The following MBIP variants were observed in gnomAD, a reference collection of about 807,000 sequenced individuals.
The protein encoded by MBIP is MAP3K12 binding inhibitory protein 1, also known as MAP3K12-binding inhibitory protein 1.
Under a neutral mutation model 45.7 loss-of-function variants are expected in MBIP, and 32 were observed. The observed-to-expected ratio is 0.70, with a 90% CI of 0.53 to 0.94. MBIP has a LOEUF of 0.94. MBIP is among the 40% of genes least tolerant of loss of function. The pLI, the probability that MBIP is intolerant of heterozygous loss-of-function variation, is 0.00. For synonymous variants in MBIP, 145 were observed against 141.0 expected, an observed-to-expected ratio of 1.03 and a Z score of -0.20; for missense variants, 381 against 405.5, an observed-to-expected ratio of 0.94 and a Z score of 0.52.
chr14:36,307,975 C>G (rs1287496220), intron 7 of MBIP, 117 bp downstream of exon 7: 1 of 582,064 alleles, frequency 1.7e-6, no homozygotes, highest in Non-Finnish European at 3.0e-6. Context: ...TGTGTTCATT[C>G]ATCTTTGAAT....
At chr14:36,301,498 GAT>G (rs1443825394) in intron 7 of MBIP, among the ~76,000 whole-genome samples, 1 of 152,138 alleles carries the variant, frequency 6.6e-6, no homozygotes, top group African/African-American at 2.4e-5. Flanking sequence ...AGTTCCTCAG[GAT>G]ACTGCCGTAT....
chr14:36,307,584 A>C (rs1410609622), intron 7 of MBIP, among the ~76,000 whole-genome samples: 1 of 152,204 alleles, frequency 6.6e-6, no homozygotes, highest in Non-Finnish European at 1.5e-5. Context: ...GAATGAATGA[A>C]TGCTAGAGTT....
At chr14:36,317,942 CAG>C (rs1236558206) in intron 1 of MBIP, among the ~76,000 whole-genome samples, 2 of 151,900 alleles carry the variant, frequency 1.3e-5, no homozygotes, top group Admixed American at 1.3e-4. Context: ...TACTATGTGA[CAG>C]AAATTTACTG....
At chr14:36,305,234 T>C (rs1021698375) in intron 7 of MBIP, 3 of 152,168 alleles carry the variant, frequency 2.0e-5, no homozygotes, top group Admixed American at 1.3e-4. Context: ...GGCTCATTCA[T>C]CCTATTATAG....
intron 3 of MBIP, 29 bp from the exon 4 acceptor site, chr14:36,314,637 A>T (rs751341509): frequency 1.9e-6 from 3 of 1,606,484 alleles, no homozygotes; most frequent in East Asian, 2.2e-5. Flanking sequence ...AACAGTGTAA[A>T]CATAAGATTT....
Position 36,314,611 on chromosome 14 carries a change from AC to A in MBIP, c.475-4del. 1.2e-6 allele frequency: 2 copies of A among 1,609,432 alleles called. No individual in the cohort carries two copies. The highest frequency in any genetic ancestry group is 1.7e-6 in the Non-Finnish European group (2 of 1,177,836). On this transcript the variant is annotated splice_polypyrimidine_tract_variant and splice_region_variant and intron_variant, in intron 3 of 8. Coordinates refer to ENST00000416007, the MANE Select transcript of MBIP (RefSeq NM_016586.3). ...AATGCAGATATTCGTCTGTCAATCT[AC>A]AAACAACAAGTTTTAACAGTGTAAA... is the stretch of plus-strand genomic sequence containing the variant.
At position 36,311,700 on chromosome 14, in the gene MBIP, T is replaced by C; in HGVS notation, c.663A>G (p.Gly221=). ...VKVSRVVNTY[G]PQTRPEGIPG... is the part of the protein sequence containing the mutation. The stretch of plus-strand genomic sequence containing the variant: ...GAATTCCTTCAGGTCTAGTCTGTGG[T>C]CCGTATGTATTCACAACTCTAGAAA... Residue 221 remains glycine (G), a synonymous_variant, in exon 6 of 9, where the codon GGA becomes GGG. Coordinates refer to ENST00000416007, the MANE Select transcript of MBIP (RefSeq NM_016586.3). 6.2e-7 allele frequency: 1 copy of C among 1,612,040 alleles called. No individual in the cohort carries two copies. The highest frequency in any genetic ancestry group is 8.5e-7 in the Non-Finnish European group (1 of 1,178,960).
intron 7 of MBIP, among the ~76,000 whole-genome samples, chr14:36,302,334 C>T (rs1017160808): frequency 6.6e-6 from 1 of 151,690 alleles, no homozygotes; most frequent in African/African-American, 2.4e-5. Context: ...CTACTAAAAA[C>T]ACAAACAACT....
chr14:36,299,259 AT>A, intron 8 of MBIP, 69 bp from the exon 9 acceptor site: 1 of 984,194 alleles, frequency 1.0e-6, no homozygotes, highest in South Asian at 1.4e-5. Flanking sequence ...AAAGTGCCAA[AT>A]GAACTATAAA....
At chr14:36,309,173 C>G (rs3850259) in intron 6 of MBIP, among the ~76,000 whole-genome samples, 123,795 of 152,150 alleles carry the variant, frequency 0.81, 53,752 homozygotes, top group East Asian at 0.96. Flanking sequence ...AGTCTTGGCT[C>G]AAAAGTTACC....
At chr14:36,312,936 A>G (rs892117438) in intron 4 of MBIP, among the ~76,000 whole-genome samples, 6 of 137,936 alleles carry the variant, frequency 4.3e-5, no homozygotes, top group Non-Finnish European at 7.4e-5. Context: ...TTTCCCCCCT[A>G]TGAAATTTGA....
At chr14:36,313,004 C>A (rs1880299698) in intron 4 of MBIP, among the ~76,000 whole-genome samples, 1 of 152,044 alleles carries the variant, frequency 6.6e-6, no homozygotes, top group Non-Finnish European at 1.5e-5. Flanking sequence ...AAAAGGAACA[C>A]ACTAACATAT....
At chr14:36,315,003 T>C in intron 2 of MBIP, 88 bp from the exon 3 acceptor site, 1 of 770,290 alleles carries the variant, frequency 1.3e-6, no homozygotes, top group Non-Finnish European at 2.1e-6. Context: ...TTCTGCTAAG[T>C]AAATGAAATA....
In MBIP at chr14:36,316,814, T is replaced by C. The variant is rs1880603901; in HGVS notation, c.130-2A>G. On this transcript the variant is annotated splice_acceptor_variant, in intron 1 of 8. Transcript: ENST00000416007. LOFTEE classifies it high-confidence loss of function. ...CACCACATCATCTCTGAGGTCAAGC[T>C]TCAAAGGGGCAAACCAGCAACATCA... 1.9e-6 allele frequency: 3 copies of C among 1,603,496 alleles called. No homozygotes were observed. Among genetic ancestry groups the C allele is most frequent in the Non-Finnish European group, 2.6e-6 (3 of 1,176,396 alleles).
intron 7 of MBIP, among the ~76,000 whole-genome samples, chr14:36,302,016 T>C (rs1879586881): frequency 6.6e-6 from 1 of 152,228 alleles, no homozygotes; most frequent in Non-Finnish European, 1.5e-5. Context: ...TGGGAAATCA[T>C]TAAGTATTAG....
chr14:36,315,995 T>C (rs1383966423), intron 2 of MBIP, among the ~76,000 whole-genome samples: 1 of 152,116 alleles, frequency 6.6e-6, no homozygotes, highest in Non-Finnish European at 1.5e-5. Context: ...AGAGATAAAC[T>C]GCAAACTTAC....
At chr14:36,309,057 C>T (rs1594514494) in intron 6 of MBIP, among the ~76,000 whole-genome samples, 1 of 152,180 alleles carries the variant, frequency 6.6e-6, no homozygotes, top group African/African-American at 2.4e-5. Flanking sequence ...CCTATGCCCA[C>T]ATGGTTCCAG....
At chr14:36,303,261 T>C (rs192752735) in intron 7 of MBIP, among the ~76,000 whole-genome samples, 1 of 152,292 alleles carries the variant, frequency 6.6e-6, no homozygotes, top group East Asian at 1.9e-4. Flanking sequence ...AGAAAATACT[T>C]GAGAGCACAG....
chr14:36,300,837 A>C lies in MBIP; in HGVS notation c.889-14T>G, dbSNP rs1157138034. The C allele has an allele frequency of 8.9e-6, 13 of 1,460,620 alleles. No individual in the cohort carries two copies. Among genetic ancestry groups the C allele is most frequent in the Non-Finnish European group, 1.2e-5 (13 of 1,068,802 alleles). 90.5% of individuals were successfully genotyped at this position (1,460,620 alleles called of 1,614,324 possible). ...TCCAGAAAAGCTCTAGATTAAAAAA[A>C]AAAAGGTAATGTTTAGAAAAATCTA... On this transcript the variant is annotated splice_polypyrimidine_tract_variant and intron_variant, in intron 7 of 8. Coordinates refer to ENST00000416007, the MANE Select transcript of MBIP (RefSeq NM_016586.3).
Sources: gnomAD v4.1 joint callset for allele counts (sites outside exome capture counted in the v4.1 genomes callset) on GRCh38, gnomAD v4.1.1 for gene constraint, MANE v1.5 for transcripts, NCBI Gene and HGNC (gene_info 2026-07-23, HGNC 2026-07-21) for gene names.